Variants in PPP2R5A observed in about 807,000 individuals in gnomAD.
PPP2R5A encodes protein phosphatase 2 regulatory subunit B'alpha, also known as serine/threonine-protein phosphatase 2A 56 kDa regulatory subunit alpha isoform.
A neutral mutation model predicts 64.2 loss-of-function variants in PPP2R5A; 25 were observed. The ratio of observed to expected loss-of-function variants is 0.39; its 90% confidence interval spans 0.28 to 0.54. The LOEUF is 0.54. Ranked by LOEUF, PPP2R5A falls within the 20% of genes least tolerant of loss-of-function variation. PPP2R5A has a pLI of 0.67. For synonymous variants in PPP2R5A, 198 were observed against 201.2 expected (o/e 0.98, Z 0.13); for missense variants, 425 against 576.3 (o/e 0.74, Z 2.69).
At chr1:212,287,841 C>T (rs1658532158) in intron 1 of PPP2R5A, among the ~76,000 whole-genome samples, 1 of 151,754 alleles carries the variant, frequency 6.6e-6, no homozygotes, top group Admixed American at 6.6e-5. Context: ...AATTGTCAAA[C>T]TGTAGTTTGA....
chr1:212,290,620 A>G (rs1160585601), intron 1 of PPP2R5A, among the ~76,000 whole-genome samples: 1 of 152,172 alleles, frequency 6.6e-6, no homozygotes, highest in Non-Finnish European at 1.5e-5. Flanking sequence ...ATTTAAACCC[A>G]TTTTAACATC....
At chr1:212,309,431 T>C in intron 1 of PPP2R5A, 2 of 1,159,720 alleles carry the variant, frequency 1.7e-6, no homozygotes, top group Admixed American at 1.7e-5. Flanking sequence ...TGGACACCTT[T>C]CAACATTGCC....
At chr1:212,335,809 AT>A (rs1303159205) in intron 3 of PPP2R5A, among the ~76,000 whole-genome samples, 1 of 152,254 alleles carries the variant, frequency 6.6e-6, no homozygotes, top group Non-Finnish European at 1.5e-5. Flanking sequence ...ACATATTCTC[AT>A]TAGCTGATAA....
At chr1:212,352,979 G>T (rs544302079) in intron 8 of PPP2R5A, 6 of 516,172 alleles carry the variant, frequency 1.2e-5, no homozygotes, top group Non-Finnish European at 1.2e-5. Context: ...ACAAGCATTT[G>T]TTGCCTTAGT....
intron 1 of PPP2R5A, among the ~76,000 whole-genome samples, chr1:212,311,461 G>A (rs1353726535): frequency 1.3e-5 from 2 of 149,568 alleles, no homozygotes; most frequent in Admixed American, 6.6e-5. Flanking sequence ...GCAAGACTCC[G>A]TCTCAAAAAA....
At chr1:212,314,013 T>C (rs1571585913) in intron 1 of PPP2R5A, among the ~76,000 whole-genome samples, 1 of 152,348 alleles carries the variant, frequency 6.6e-6, no homozygotes, top group Non-Finnish European at 1.5e-5. Flanking sequence ...ATATAATATA[T>C]CTCCATTTAT....
intron 1 of PPP2R5A, among the ~76,000 whole-genome samples, chr1:212,319,884 A>G (rs1474883418): frequency 6.7e-6 from 1 of 149,940 alleles, no homozygotes; most frequent in South Asian, 2.1e-4. Flanking sequence ...CAGCCTTCCA[A>G]AGTGCTGGGA....
chr1:212,313,036 T>A (rs912685905), intron 1 of PPP2R5A, among the ~76,000 whole-genome samples: 1 of 152,226 alleles, frequency 6.6e-6, no homozygotes, highest in Non-Finnish European at 1.5e-5. Context: ...AGTACTTTCC[T>A]ATGCAAATCC....
chr1:212,337,234 A>G (rs1659605816), intron 3 of PPP2R5A, among the ~76,000 whole-genome samples: 1 of 152,122 alleles, frequency 6.6e-6, no homozygotes. Flanking sequence ...CTTTCTATTT[A>G]TTGAAGACTA....
chr1:212,286,437 T>A (rs1317096735), intron 1 of PPP2R5A, 146 bp downstream of exon 1: 2 of 874,184 alleles, frequency 2.3e-6, no homozygotes, highest in East Asian at 6.7e-5. Context: ...TGCCTTGGCG[T>A]CACCTCACGC....
At chr1:212,318,660 T>C (rs998727247) in intron 1 of PPP2R5A, among the ~76,000 whole-genome samples, 6 of 152,218 alleles carry the variant, frequency 3.9e-5, no homozygotes, top group African/African-American at 1.4e-4. Flanking sequence ...TCCATATCTG[T>C]GGGTTCCACA....
rs1480697780 is a variant in PPP2R5A at position 212,286,036 on chromosome 1, C to T, written c.-75C>T. 5.7e-6 allele frequency: 8 copies of T among 1,398,622 alleles called. No homozygotes were observed. In the East Asian group the frequency reaches 1.8e-4, roughly 32 times the overall value. The allele number at this position is 1,398,622 out of a possible 1,614,324, so 86.6% of individuals were successfully genotyped here. On this transcript the variant is annotated 5_prime_UTR_variant, in exon 1 of 13. Transcript: ENST00000261461. ...CGAGCACCCCGCGCCTCTCCCCCGC[C>T]TCCTCCTGCCGTCTCCGCCGCTGCC...
At chr1:212,357,963 A>ATTT (rs1558157045) in intron 11 of PPP2R5A, 1 of 152,108 alleles carries the variant, frequency 6.6e-6, no homozygotes, top group Non-Finnish European at 1.5e-5. Context: ...TACCCAGCGA[A>ATTT]TTTTTATTTT....
chr1:212,349,105 C>A, intron 7 of PPP2R5A, 84 bp from the exon 8 acceptor site: 1 of 902,798 alleles, frequency 1.1e-6, no homozygotes, highest in Non-Finnish European at 1.5e-6. Flanking sequence ...ATGAGGTAGT[C>A]TAAAAAATAT....
At chr1:212,305,194 G>T (rs1028707735) in intron 1 of PPP2R5A, among the ~76,000 whole-genome samples, 1 of 150,892 alleles carries the variant, frequency 6.6e-6, no homozygotes, top group African/African-American at 2.4e-5. Flanking sequence ...CCGCTACCAC[G>T]CCTGGCTAAT....
At chr1:212,351,914 T>C (rs1002397254) in intron 8 of PPP2R5A, among the ~76,000 whole-genome samples, 1 of 151,998 alleles carries the variant, frequency 6.6e-6, no homozygotes, top group Non-Finnish European at 1.5e-5. Flanking sequence ...CAAAACACCG[T>C]TCTTATTCCA....
intron 5 of PPP2R5A, 112 bp from the exon 6 acceptor site, chr1:212,347,228 AACATGCT>A: frequency 2.8e-6 from 2 of 720,918 alleles, no homozygotes; most frequent in Non-Finnish European, 4.7e-6. Context: ...TAAGACCCAA[AACATGCT>A]TGTGTGTTTC....
intron 1 of PPP2R5A, among the ~76,000 whole-genome samples, chr1:212,288,924 A>G (rs1175865848): frequency 1.3e-5 from 2 of 152,212 alleles, no homozygotes; most frequent in Non-Finnish European, 2.9e-5. Context: ...TTTTCCTCAA[A>G]CCATAGTAAG....
intron 1 of PPP2R5A, among the ~76,000 whole-genome samples, chr1:212,325,798 T>C (rs1659398676): frequency 6.6e-6 from 1 of 152,198 alleles, no homozygotes; most frequent in South Asian, 2.1e-4. Context: ...AGGATTCTTA[T>C]AGCCCACATA....
Sources: allele counts gnomAD v4.1 joint callset (sites outside exome capture counted in the v4.1 genomes callset), GRCh38; gene constraint gnomAD v4.1.1; transcripts MANE v1.5; gene names NCBI Gene and HGNC (gene_info 2026-07-23, HGNC 2026-07-21).